PLD4: variants seen among roughly 807,000 people sequenced by gnomAD.
PLD4 encodes 5'-3' exonuclease PLD4.
PLD4 carries 54 observed loss-of-function variants against 52.3 expected under a neutral mutation model. That is an observed-to-expected ratio of 1.03 (90% CI 0.83 to 1.30). The LOEUF is 1.30. Among genes scored for constraint, PLD4 ranks in the 50% most tolerant of loss-of-function variants. The pLI is 0.00. For synonymous variants in PLD4, 264 were observed against 286.5 expected, an observed-to-expected ratio of 0.92 and a Z score of 0.79; for missense variants, 731 against 671.1, an observed-to-expected ratio of 1.09 and a Z score of -0.99.
intron 2 of PLD4, 69 bp downstream of exon 2, chr14:104,927,299 T>C: frequency 7.5e-7 from 1 of 1,330,360 alleles, no homozygotes; most frequent in Non-Finnish European, 1.0e-6. Flanking sequence ...CGAGCCAGAG[T>C]GGAGAGGTCA....
Position 104,927,144 on chromosome 14 carries a change from C to T in PLD4, c.4C>T (p.Leu2=), listed in dbSNP as rs375252356. 12 of 1,555,006 alleles carry T rather than the reference C, an allele frequency of 7.7e-6. No individual in the cohort carries two copies. The African/African-American group carries it at 1.6e-4, about 21-fold the overall frequency. Residue 2 remains leucine, a synonymous_variant, in exon 2 of 11, where the codon CTG becomes TTG. Coordinates refer to ENST00000392593, the MANE Select transcript of PLD4 (RefSeq NM_138790.5). ...GATGCCAGGCTGCCCTGTGCAGATG[C>T]TGAAGCCTCTTTGGAAAGCAGCAGT... M[L]KPLWKAAVAP...
rs771496344 is a variant in PLD4 at position 104,932,891 on chromosome 14, G to C, written c.1448G>C (p.Arg483Pro). The change falls in exon 11 of 11, where the codon CGG (arginine) becomes CCG (proline). Residue 483 changes from arginine (R) to proline (P), a missense_variant. Physicochemically the swap from Arg to Pro is moderately radical, Grantham distance 103. Coordinates refer to ENST00000392593, the MANE Select transcript of PLD4 (RefSeq NM_138790.5). The surrounding 1 kb of genome is among the most constrained non-coding windows in gnomAD (Gnocchi z 6.5). ...GAGCAGCTGCGGCAGCTCTTTGAGC[G>C]GGACTGGAGTTCGCGCTACGCCGTC... ...VQEQLRQLFE[R>P]DWSSRYAVGL... is the part of the protein sequence containing the mutation. 2.5e-6 allele frequency: 4 copies of C among 1,603,460 alleles called. No homozygotes were observed. Among genetic ancestry groups the C allele is most frequent in the South Asian group, 2.2e-5 (2 of 89,398 alleles).
chr14:104,927,594 C>T, intron 2 of PLD4, 79 bp from the exon 3 acceptor site: 1 of 1,421,634 alleles, frequency 7.0e-7, no homozygotes, highest in Non-Finnish European at 9.4e-7. Flanking sequence ...TCTGTCTCAG[C>T]ACTGGAGGGG....
chr14:104,931,765 CTGTCCCCA>C lies in PLD4; in HGVS notation c.937_944del (p.Cys313GlyfsTer167), dbSNP rs567905345. On this transcript the variant is annotated frameshift_variant, in exon 8 of 11. Transcript: ENST00000392593. LOFTEE classifies it high-confidence loss of function. ...CGTCACAGGCGTCGCCACCAGCACT[CTGTCCCCA>C]GGGCCGCACCCGGGACCTGGAGGCG... 799 of 1,589,490 alleles carry C rather than the reference CTGTCCCCA, an allele frequency of 5.0e-4. 13 individuals carry two copies. In the South Asian group the frequency reaches 7.9e-3, roughly 16 times the overall value.
At chr14:104,930,659 C>A in intron 6 of PLD4, 83 bp from the exon 7 acceptor site, 1 of 1,478,770 alleles carries the variant, frequency 6.8e-7, no homozygotes. Context: ...GCACCTGCCC[C>A]AACATCCCTG....
chr14:104,931,973 C>T (rs772840836), intron 8 of PLD4, 39 bp from the exon 9 acceptor site: 10 of 1,538,290 alleles, frequency 6.5e-6, no homozygotes, highest in Non-Finnish European at 7.9e-6. Flanking sequence ...CCTATCGGGC[C>T]CGGCTTGTAA....
Position 104,932,917 on chromosome 14 carries a change from G to C in PLD4, c.1474G>C (p.Gly492Arg). 6.2e-7 allele frequency: 1 copy of C among 1,601,690 alleles called. No individual in the cohort carries two copies. The highest frequency in any genetic ancestry group is 1.1e-5 in the South Asian group (1 of 89,280). The change falls in exon 11 of 11, where the codon GGC (glycine) becomes CGC (arginine). Residue 492 changes from glycine to arginine, a missense_variant. Transcript: ENST00000392593. This position sits in a 1 kb window ranked among gnomAD's most constrained non-coding sequence, Gnocchi z 6.5. ...ERDWSSRYAV[G>R]LDGQAPGQDC... is the part of the protein sequence containing the mutation. ...GGACTGGAGTTCGCGCTACGCCGTCGGCCTGGACGGACAGGCTCCGGGCCA... is the reference window on the plus strand; with the variant it reads ...GGACTGGAGTTCGCGCTACGCCGTCCGCCTGGACGGACAGGCTCCGGGCCA...
At chr14:104,927,562 G>A in intron 2 of PLD4, 111 bp from the exon 3 acceptor site, 2 of 1,248,554 alleles carry the variant, frequency 1.6e-6, no homozygotes, top group South Asian at 1.5e-5. Context: ...TGGCAGCCCA[G>A]GTCCGGGAAG....
chr14:104,934,840 C>T (rs1897774064), downstream of PLD4: 1 of 152,220 alleles, frequency 6.6e-6, no homozygotes, highest in Non-Finnish European at 1.5e-5. Flanking sequence ...ATACTTCCCC[C>T]ATCTAAAGGA....
chr14:104,934,426 A>T (rs998066460), downstream of PLD4: 3 of 151,868 alleles, frequency 2.0e-5, no homozygotes. Context: ...CTCAGTTCCC[A>T]CTCTTCTGCT....
downstream of PLD4, chr14:104,936,157 C>T (rs1897804581): frequency 6.6e-6 from 1 of 152,220 alleles, no homozygotes; most frequent in Non-Finnish European, 1.5e-5. Flanking sequence ...CCTCTAGCAC[C>T]AAGGTCCCCA....
chr14:104,926,267 G>A (rs542844023), intron 1 of PLD4, among the ~76,000 whole-genome samples: 3 of 152,326 alleles, frequency 2.0e-5, no homozygotes, highest in Non-Finnish European at 4.4e-5. Context: ...GGCCAGCCAG[G>A]TGACCATGCT....
chr14:104,928,760 T>A lies in PLD4; in HGVS notation c.296T>A (p.Val99Glu). Residue 99 changes from valine (V) to glutamate (E), a missense_variant, in exon 4 of 11, where the codon GTG becomes GAG. Coordinates refer to ENST00000392593, the MANE Select transcript of PLD4 (RefSeq NM_138790.5). ...GGCTCTCCCCACAGGCTTGTCCTTG[T>A]GGAAAGCATCCCCCAGGACCTGCCA... ...QQRDSCQLVLVESIPQDLPSA... is the reference protein window; with the variant it reads ...QQRDSCQLVLEESIPQDLPSA... 6.3e-7 allele frequency: 1 copy of A among 1,589,054 alleles called. No homozygotes were observed.
At chr14:104,930,296 T>C (rs1389079365) in intron 6 of PLD4, among the ~76,000 whole-genome samples, 191 bp downstream of exon 6, 1 of 152,248 alleles carries the variant, frequency 6.6e-6, no homozygotes, top group African/African-American at 2.4e-5. Flanking sequence ...GAATTCATGC[T>C]GTGGAATCAC....
In PLD4 at chr14:104,932,672, G is replaced by A; in HGVS notation, c.1322-93G>A. 1.5e-6 allele frequency: 2 copies of A among 1,311,108 alleles called. No individual in the cohort carries two copies. The highest frequency in any genetic ancestry group is 2.6e-5 in the East Asian group (1 of 39,086). The allele number at this position is 1,311,108 out of a possible 1,614,324, so 81.2% of individuals were successfully genotyped here. On this transcript the variant is annotated intron_variant, in intron 10 of 10. Transcript: ENST00000392593. The surrounding 1 kb of genome is among the most constrained non-coding windows in gnomAD (Gnocchi z 6.5). ...ACAGTGGAGGGGCCAGCTGCCAACC[G>A]TCCCCAAACCCGTAGCCGGGCCTGG...
rs938556737 is a variant in PLD4, at chr14:104,932,498, G to A, written c.1321+143G>A. The A allele has an allele frequency of 2.0e-6, 2 of 992,284 alleles. No homozygotes were observed. Among genetic ancestry groups the A allele is most frequent in the Non-Finnish European group, 2.9e-6 (2 of 679,658 alleles). The allele number at this position is 992,284 out of a possible 1,614,324, so 61.5% of individuals were successfully genotyped here. On this transcript the variant is annotated intron_variant, in intron 10 of 10. Transcript: ENST00000392593. This position sits in a 1 kb window ranked among gnomAD's most constrained non-coding sequence, Gnocchi z 6.5. The stretch of plus-strand genomic sequence containing the variant: ...GACGGGGTCTCCATGGAGTTCCGGG[G>A]ACCAGGCCACCCGCCTGTCACCTGG...
At position 104,925,179 on chromosome 14, in the gene PLD4, C is replaced by A. The variant is rs556287723; in HGVS notation, c.-1+189C>A. Among the ~76,000 whole-genome samples the A allele has an allele frequency of 1.3e-4, 20 of 152,364 alleles. 1 individual carries two copies. Among genetic ancestry groups the A allele is most frequent in the African/African-American group, 4.6e-4 (19 of 41,596 alleles). On this transcript the variant is annotated intron_variant, in intron 1 of 10. Coordinates refer to ENST00000392593, the MANE Select transcript of PLD4 (RefSeq NM_138790.5). ...CTGGGATAAGCTGGGCCCTGGCTCT[C>A]CAGCCAGGTGACAGCTGGGCCCTCT... is the stretch of plus-strand genomic sequence containing the variant.
At chr14:104,937,393 T>C (rs1897837885), downstream of PLD4, 1 of 152,364 alleles carries the variant, frequency 6.6e-6, no homozygotes, top group Admixed American at 6.5e-5. Context: ...TGGCGGATGC[T>C]GGCAGGCCAG....
intron 5 of PLD4, 149 bp from the exon 6 acceptor site, chr14:104,929,829 T>C (rs887556332): frequency 9.6e-6 from 9 of 939,668 alleles, no homozygotes; most frequent in Non-Finnish European, 1.3e-5. Flanking sequence ...TCCTCACCTA[T>C]AAAATGGGGA....
Sources: allele counts gnomAD v4.1 joint callset (sites outside exome capture counted in the v4.1 genomes callset), GRCh38; gene constraint gnomAD v4.1.1; non-coding constraint Gnocchi (gnomAD v3.1); transcripts MANE v1.5; gene names NCBI Gene and HGNC (gene_info 2026-07-23, HGNC 2026-07-21).